POU6F2: variants seen among roughly 807,000 people sequenced by gnomAD.
POU6F2 encodes POU domain, class 6, transcription factor 2.
POU6F2 carries 31 observed loss-of-function variants against 71.3 expected under a neutral mutation model. The observed-to-expected ratio is 0.43, with a 90% CI of 0.33 to 0.59. The LOEUF is 0.59. Among genes scored for constraint, POU6F2 ranks in the 20% least tolerant of loss-of-function variants. The pLI is 0.04. For missense variants in POU6F2, 783 were observed against 856.8 expected (o/e 0.91, Z 1.07); for synonymous variants, 347 against 355.7 (o/e 0.98, Z 0.27).
chr7:39,132,347 A>T (rs1205611877), intron 2 of POU6F2: 1 of 152,178 alleles, frequency 6.6e-6, no homozygotes, highest in African/African-American at 2.4e-5. Flanking sequence ...CATACCTTCT[A>T]ATTTTTTATC....
intron 4 of POU6F2, among the ~76,000 whole-genome samples, chr7:39,290,116 G>A (rs1331655559): frequency 6.6e-6 from 1 of 152,166 alleles, no homozygotes; most frequent in Non-Finnish European, 1.5e-5. Flanking sequence ...GTTTATGTCA[G>A]CACCTTTCTT....
intron 4 of POU6F2, among the ~76,000 whole-genome samples, chr7:39,256,484 G>T (rs577254721): frequency 1.4e-4 from 22 of 152,180 alleles, no homozygotes; most frequent in Non-Finnish European, 2.8e-4. Context: ...GCAATAGGAA[G>T]AAAAATGCTC....
At chr7:39,015,276 C>T (rs1447072933) in intron 1 of POU6F2, among the ~76,000 whole-genome samples, 1 of 132,022 alleles carries the variant, frequency 7.6e-6, no homozygotes, top group Non-Finnish European at 1.5e-5. Context: ...GATATGGTAT[C>T]TATTATATAG....
chr7:39,161,190 CTT>C (rs1792990051), intron 2 of POU6F2, among the ~76,000 whole-genome samples: 1 of 152,202 alleles, frequency 6.6e-6, no homozygotes, highest in South Asian at 2.1e-4. Flanking sequence ...TGCCTTCTCT[CTT>C]TTCTCCTGTT....
intron 4 of POU6F2, among the ~76,000 whole-genome samples, chr7:39,226,169 G>A (rs1201013056): frequency 6.6e-6 from 1 of 152,100 alleles, no homozygotes; most frequent in Non-Finnish European, 1.5e-5. Context: ...AAGTAAAAAA[G>A]TAGATGGTGA....
Position 39,339,688 on chromosome 7 carries a change from C to CCAGCAGCAGCAGCAGCAG in POU6F2, c.659_676dup (p.Gln220_Gln225dup). The CCAGCAGCAGCAGCAGCAG allele has an allele frequency of 1.3e-6, 2 of 1,597,816 alleles. No individual in the cohort carries two copies. Among genetic ancestry groups the CCAGCAGCAGCAGCAGCAG allele is most frequent in the South Asian group, 2.2e-5 (2 of 89,904 alleles). ...AGCTCCAGCAGCTCCAGCTCCAGCT[C>CCAGCAGCAGCAGCAGCAG]CAGCAGCAGCAGCAGCAGCAGCAGC... On this transcript the variant is annotated inframe_insertion, in exon 5 of 10. Coordinates refer to ENST00000518318, the MANE Select transcript of POU6F2 (RefSeq NM_001370959.1).
intron 2 of POU6F2, among the ~76,000 whole-genome samples, chr7:39,098,265 C>CATTT (rs1791495906): frequency 6.6e-6 from 1 of 151,302 alleles, no homozygotes; most frequent in Admixed American, 6.6e-5. Context: ...TTTATTCATT[C>CATTT]ATTTATTTAT....
chr7:39,231,647 A>G (rs957017345), intron 4 of POU6F2, among the ~76,000 whole-genome samples: 1 of 152,014 alleles, frequency 6.6e-6, no homozygotes, highest in African/African-American at 2.4e-5. Context: ...TGTGGGTACA[A>G]TACGATATGT....
intron 2 of POU6F2, among the ~76,000 whole-genome samples, chr7:39,170,282 AAC>A (rs1229930167): frequency 1.3e-5 from 2 of 152,240 alleles, no homozygotes; most frequent in African/African-American, 4.8e-5. Context: ...GATTGGTAAA[AAC>A]ACATATTCTT....
At chr7:39,407,042 G>A (rs1787449549) in intron 6 of POU6F2, among the ~76,000 whole-genome samples, 2 of 151,830 alleles carry the variant, frequency 1.3e-5, no homozygotes, top group African/African-American at 2.4e-5. Context: ...CTTTCAAAAA[G>A]AAAAAAGTTA....
intron 2 of POU6F2, among the ~76,000 whole-genome samples, chr7:39,179,344 G>A (rs1793390122): frequency 6.6e-6 from 1 of 152,188 alleles, no homozygotes; most frequent in Admixed American, 6.5e-5. Flanking sequence ...TTACCTCCCA[G>A]GGCCTTGCTT....
intron 5 of POU6F2, among the ~76,000 whole-genome samples, chr7:39,379,058 A>G (rs1461265100): frequency 6.6e-6 from 1 of 152,146 alleles, no homozygotes; most frequent in Admixed American, 6.5e-5. Flanking sequence ...TCAAAATGGT[A>G]AGATAAGTCA....
At chr7:39,240,677 G>GTT (rs1783709042) in intron 4 of POU6F2, among the ~76,000 whole-genome samples, 1 of 152,048 alleles carries the variant, frequency 6.6e-6, no homozygotes, top group Non-Finnish European at 1.5e-5. Flanking sequence ...GCACAAAGTA[G>GTT]GTACTAAAAA....
intron 4 of POU6F2, among the ~76,000 whole-genome samples, chr7:39,294,837 G>A (rs1050524658): frequency 6.6e-6 from 1 of 152,070 alleles, no homozygotes; most frequent in African/African-American, 2.4e-5. Context: ...ACTTGTATTT[G>A]ACCCCAGGGA....
At chr7:39,161,908 G>A (rs1438491333) in intron 2 of POU6F2, among the ~76,000 whole-genome samples, 1 of 152,116 alleles carries the variant, frequency 6.6e-6, no homozygotes, top group African/African-American at 2.4e-5. Flanking sequence ...TGGTATACTG[G>A]CCATCTTCTC....
At chr7:39,000,400 A>G (rs1479726229) in intron 1 of POU6F2, among the ~76,000 whole-genome samples, 1 of 152,102 alleles carries the variant, frequency 6.6e-6, no homozygotes, top group African/African-American at 2.4e-5. Context: ...AAGCAAATAC[A>G]ATATTTTTAC....
intron 5 of POU6F2, 64 bp downstream of exon 5, chr7:39,340,079 C>T: frequency 6.7e-7 from 1 of 1,498,594 alleles, no homozygotes; most frequent in Non-Finnish European, 8.9e-7. Context: ...GGGGTGGTGC[C>T]ATCCCCAAAG....
intron 5 of POU6F2, among the ~76,000 whole-genome samples, chr7:39,369,854 T>TTC (rs1786574633): frequency 6.6e-6 from 1 of 151,552 alleles, no homozygotes; most frequent in Non-Finnish European, 1.5e-5. Context: ...CAGCATTTTT[T>TTC]TTTTTTTTTG....
chr7:38,999,992 C>T (rs1788854716), intron 1 of POU6F2, among the ~76,000 whole-genome samples: 1 of 152,084 alleles, frequency 6.6e-6, no homozygotes, highest in East Asian at 1.9e-4. Context: ...TTTTTATTTT[C>T]TGTTCATAAT....
Sources: allele counts gnomAD v4.1 joint callset (sites outside exome capture counted in the v4.1 genomes callset), GRCh38; gene constraint gnomAD v4.1.1; transcripts MANE v1.5; gene names NCBI Gene and HGNC (gene_info 2026-07-23, HGNC 2026-07-21).